The following PDCD2L variants were observed in gnomAD, a reference collection of about 807,000 sequenced individuals.
PDCD2L encodes the protein programmed cell death 2 like, also known as uS5 assembly chaperone PDCD2L.
Under a neutral mutation model 40.4 loss-of-function variants are expected in PDCD2L, and 44 were observed. That is an observed-to-expected ratio of 1.09 (90% CI 0.86 to 1.40). The LOEUF is 1.40. Among genes scored for constraint, PDCD2L ranks in the 40% most tolerant of loss-of-function variants. PDCD2L has a pLI of 0.00. For missense variants in PDCD2L, 470 were observed against 453.7 expected (o/e 1.04, Z -0.33); for synonymous variants, 194 against 174.6 (o/e 1.11, Z -0.88).
intron 6 of PDCD2L, among the ~76,000 whole-genome samples, chr19:34,424,453 G>T (rs1032105153): frequency 6.6e-6 from 1 of 152,152 alleles, no homozygotes; most frequent in Admixed American, 6.6e-5. Context: ...GAGCAAGAAC[G>T]AAAGGAAGTA....
intron 4 of PDCD2L, among the ~76,000 whole-genome samples, chr19:34,410,727 C>G (rs1351821493): frequency 6.6e-6 from 1 of 151,092 alleles, no homozygotes; most frequent in East Asian, 1.9e-4. Flanking sequence ...GAAAATAATC[C>G]TTAATAGAAT....
rs531228499 is a variant in PDCD2L at position 34,423,516 on chromosome 19, A to T, written c.946+1849A>T. ...CTTTTTTTTTTTTTTTTTTTTTGAG[A>T]TGGAGCCTCACTCTGTCGCCCAGCC... On this transcript the variant is annotated intron_variant, in intron 6 of 6. Coordinates refer to ENST00000246535, the MANE Select transcript of PDCD2L (RefSeq NM_032346.2). Among the ~76,000 whole-genome samples, 57 of 88,376 alleles carry T rather than the reference A, an allele frequency of 6.4e-4. 1 individual carries two copies. The Middle Eastern group carries it at 0.033, about 52-fold the overall frequency. 58.0% of individuals were successfully genotyped at this position (88,376 alleles called of 152,430 possible). A position where few individuals can be genotyped will look rare whatever the true frequency, so the allele number is the denominator to read the frequency against.
At chr19:34,408,973 T>C (rs1199888071) in intron 3 of PDCD2L, 188 bp from the exon 4 acceptor site, 1 of 590,612 alleles carries the variant, frequency 1.7e-6, no homozygotes, top group Admixed American at 3.0e-5. Context: ...GAAAGACAAG[T>C]ATTTTAAGTC....
At chr19:34,420,706 T>A (rs2075146628) in intron 5 of PDCD2L, among the ~76,000 whole-genome samples, 1 of 151,618 alleles carries the variant, frequency 6.6e-6, no homozygotes, top group Non-Finnish European at 1.5e-5. Context: ...GTAAGAGGAT[T>A]GCTTGAGCCC....
chr19:34,406,012 C>T (rs1163928153), intron 3 of PDCD2L, among the ~76,000 whole-genome samples: 4 of 152,206 alleles, frequency 2.6e-5, no homozygotes, highest in East Asian at 3.9e-4. Flanking sequence ...ATGATGGCCA[C>T]GCAACTGTAG....
At chr19:34,407,828 T>C (rs2075083947) in intron 3 of PDCD2L, among the ~76,000 whole-genome samples, 1 of 152,238 alleles carries the variant, frequency 6.6e-6, no homozygotes, top group Non-Finnish European at 1.5e-5. Flanking sequence ...GAAATCTGAA[T>C]TTATTGAAAA....
chr19:34,423,487 G>A (rs1192029994), intron 6 of PDCD2L, among the ~76,000 whole-genome samples: 2 of 139,014 alleles, frequency 1.4e-5, no homozygotes, highest in East Asian at 4.7e-4. Context: ...CCTGGACCCA[G>A]TATCTTTTTT....
At chr19:34,418,672 A>C (rs1013313870) in intron 5 of PDCD2L, among the ~76,000 whole-genome samples, 1 of 152,212 alleles carries the variant, frequency 6.6e-6, no homozygotes, top group African/African-American at 2.4e-5. Context: ...TGGGATATGC[A>C]TGTTTAACTT....
chr19:34,404,421 C>T lies in PDCD2L; in HGVS notation c.-10C>T, dbSNP rs1423310312. 3.2e-6 allele frequency: 5 copies of T among 1,539,922 alleles called. No individual in the cohort carries two copies. The highest frequency in any genetic ancestry group is 2.8e-5 in the African/African-American group (2 of 72,584). On this transcript the variant is annotated 5_prime_UTR_variant, in exon 1 of 7. Coordinates refer to ENST00000246535, the MANE Select transcript of PDCD2L (RefSeq NM_032346.2). ...CGTAGTTTGCGTTTTCACCTGGTCG[C>T]CCGGCGGCCATGGCGGCCGTTCTGA...
intron 5 of PDCD2L, among the ~76,000 whole-genome samples, chr19:34,417,242 C>T (rs2075130301): frequency 2.0e-5 from 3 of 152,180 alleles, no homozygotes; most frequent in African/African-American, 7.2e-5. Flanking sequence ...AATAAAGTAA[C>T]TATGTATGAA....
chr19:34,422,237 T>TC (rs1461848527), intron 6 of PDCD2L: 1 of 149,632 alleles, frequency 6.7e-6, no homozygotes, highest in East Asian at 2.1e-4. Context: ...AACCTCCAGC[T>TC]CCCGGGGTCT....
chr19:34,424,012 T>C (rs2075164876), intron 6 of PDCD2L, among the ~76,000 whole-genome samples: 1 of 152,158 alleles, frequency 6.6e-6, no homozygotes, highest in African/African-American at 2.4e-5. Context: ...GCAACCCATG[T>C]ATAAAATTTT....
At chr19:34,407,088 C>T (rs532479902) in intron 3 of PDCD2L, among the ~76,000 whole-genome samples, 155 of 152,090 alleles carry the variant, frequency 1.0e-3, no homozygotes, top group Non-Finnish European at 1.7e-3. Flanking sequence ...CCACCCGCCT[C>T]GGCCTCCCAA....
At position 34,425,473 on chromosome 19, in the gene PDCD2L, T is replaced by C. The variant is rs534567374; in HGVS notation, c.947-517T>C. Among the ~76,000 whole-genome samples the C allele has an allele frequency of 2.6e-5, 4 of 152,084 alleles. No individual in the cohort carries two copies. In the East Asian group the frequency reaches 7.7e-4, roughly 29 times the overall value. On this transcript the variant is annotated intron_variant, in intron 6 of 6. Transcript: ENST00000246535. ...GTGCACCGTTACACCCAGTGAATTT[T>C]TTTTTTTTTAGTAAAGTCTCACTGT...
At chr19:34,419,751 T>C (rs1385704418) in intron 5 of PDCD2L, among the ~76,000 whole-genome samples, 1 of 150,022 alleles carries the variant, frequency 6.7e-6, no homozygotes, top group Non-Finnish European at 1.5e-5. Context: ...TTTTTGTCTT[T>C]TATTTTTAAC....
At chr19:34,407,559 T>C (rs548163282) in intron 3 of PDCD2L, among the ~76,000 whole-genome samples, 1 of 152,306 alleles carries the variant, frequency 6.6e-6, no homozygotes, top group South Asian at 2.1e-4. Flanking sequence ...CTTAGCAAAA[T>C]GTTCTCCAGT....
intron 3 of PDCD2L, among the ~76,000 whole-genome samples, chr19:34,407,223 C>T (rs2075080845): frequency 6.6e-6 from 1 of 151,834 alleles, no homozygotes; most frequent in Non-Finnish European, 1.5e-5. Flanking sequence ...CTCACTGCAG[C>T]CTCCGCCTCC....
chr19:34,424,429 A>C (rs1423710246), intron 6 of PDCD2L, among the ~76,000 whole-genome samples: 1 of 152,182 alleles, frequency 6.6e-6, no homozygotes. Flanking sequence ...GTGAAAACTT[A>C]CTAAAAAGTT....
In PDCD2L at chr19:34,409,463, C is replaced by CT. The variant is rs2145459922; in HGVS notation, c.640dup (p.Tyr214LeufsTer19). On this transcript the variant is annotated frameshift_variant, in exon 4 of 7. Transcript: ENST00000246535. LOFTEE classifies it high-confidence loss of function. ...ATCATGCCCACAGCCTTCTGAGGGA[C>CT]TATCAGCAGAGAGAAGGCATTGCCA... 3 of 1,614,164 alleles carry CT rather than the reference C, an allele frequency of 1.9e-6. No homozygotes were observed. The East Asian group carries it at 6.7e-5, about 36-fold the overall frequency.
Sources: allele counts gnomAD v4.1 joint callset (sites outside exome capture counted in the v4.1 genomes callset), GRCh38; gene constraint gnomAD v4.1.1; transcripts MANE v1.5; gene names NCBI Gene and HGNC (gene_info 2026-07-23, HGNC 2026-07-21).